Variants in ZMYM2 observed in about 807,000 individuals in gnomAD.
ZMYM2 encodes zinc finger MYM-type protein 2.
A neutral mutation model predicts 162.8 loss-of-function variants in ZMYM2; 56 were observed. The ratio of observed to expected loss-of-function variants is 0.34; its 90% CI spans 0.28 to 0.43. ZMYM2 has a LOEUF of 0.43. ZMYM2 is among the 20% of genes least tolerant of loss of function. The pLI is 1.00. For missense variants in ZMYM2, 1,275 were observed against 1,621.8 expected (o/e 0.79, Z 3.67); for synonymous variants, 510 against 541.6 (o/e 0.94, Z 0.81).
At chr13:19,885,875 ATATACACATATATATGTG>A in the ZMYM2 span, among the ~76,000 whole-genome samples, 366 of 32,152 alleles carry the variant, frequency 0.011, 81 homozygotes, top group African/African-American at 0.018. Flanking sequence ...ATATATATGT[ATATACACATATATATGTG>A]TATACACATA....
At chr13:20,016,209 C>G (rs1484788983) in intron 6 of ZMYM2, among the ~76,000 whole-genome samples, 1 of 151,914 alleles carries the variant, frequency 6.6e-6, no homozygotes, top group Non-Finnish European at 1.5e-5. Context: ...GGAGGCTTTA[C>G]ATATAACATC....
At chr13:20,014,434 T>G (rs1216809795) in intron 6 of ZMYM2, among the ~76,000 whole-genome samples, 1 of 152,194 alleles carries the variant, frequency 6.6e-6, no homozygotes, top group Non-Finnish European at 1.5e-5. Flanking sequence ...TGTCTTCTTG[T>G]GTCAGTTTTG....
the ZMYM2 span, among the ~76,000 whole-genome samples, chr13:19,923,192 A>AAC: frequency 2.7e-4 from 2 of 7,406 alleles, no homozygotes; most frequent in Non-Finnish European, 1.8e-3. Flanking sequence ...CTAAATATAC[A>AAC]AAAAAAAAAA....
Position 20,082,887 on chromosome 13 carries a change from G to A in ZMYM2, c.3675G>A (p.Lys1225=). Reference sequence around the variant, plus strand: ...ATACACTGTTCTACTTTAACACTAAGTATTTTGGCCTGAAAACAGTGGAAC... The same window carrying A: ...ATACACTGTTCTACTTTAACACTAAATATTTTGGCCTGAAAACAGTGGAAC... ...LLNTLFYFNT[K]YFGLKTVEQH... The change falls in exon 23 of 25, where the codon AAG becomes AAA. Residue 1225 remains lysine (K), a synonymous_variant. Transcript: ENST00000610343. 1 of 1,613,868 alleles carries A rather than the reference G, an allele frequency of 6.2e-7. No homozygotes were observed. Among genetic ancestry groups the A allele is most frequent in the South Asian group, 1.1e-5 (1 of 91,074 alleles).
chr13:20,022,365 A>G (rs1477733779), intron 7 of ZMYM2, among the ~76,000 whole-genome samples: 1 of 152,186 alleles, frequency 6.6e-6, no homozygotes, highest in African/African-American at 2.4e-5. Context: ...ATACCTCATA[A>G]GCGGTGTTGT....
At chr13:20,004,949 T>G in intron 4 of ZMYM2, 125 bp from the exon 5 acceptor site, 1 of 659,006 alleles carries the variant, frequency 1.5e-6, no homozygotes. Context: ...AAAAATGATT[T>G]ATTAGATCCA....
the ZMYM2 span, among the ~76,000 whole-genome samples, chr13:19,917,937 G>A: frequency 2.0e-5 from 3 of 151,720 alleles, no homozygotes; most frequent in Non-Finnish European, 4.4e-5. Context: ...CTTGCCTGTA[G>A]TCCCAGCTAC....
At chr13:19,868,763 A>G in the ZMYM2 span, among the ~76,000 whole-genome samples, 61 of 152,078 alleles carry the variant, frequency 4.0e-4, 1 homozygote, top group East Asian at 0.01. Flanking sequence ...TATTATTATT[A>G]TTTTTGAGAC....
the ZMYM2 span, among the ~76,000 whole-genome samples, chr13:19,914,973 G>A: frequency 6.6e-6 from 1 of 152,252 alleles, no homozygotes; most frequent in African/African-American, 2.4e-5. Flanking sequence ...GGATTTTTGG[G>A]TCCAAGTATC....
intron 3 of ZMYM2, among the ~76,000 whole-genome samples, chr13:19,995,820 A>G (rs1435772880): frequency 1.3e-5 from 2 of 152,180 alleles, no homozygotes; most frequent in Admixed American, 1.3e-4. Context: ...GAAAAAATAC[A>G]AAATACTGAA....
the ZMYM2 span, among the ~76,000 whole-genome samples, chr13:19,921,934 G>A: frequency 1.8e-4 from 27 of 151,332 alleles, no homozygotes; most frequent in African/African-American, 6.3e-4. Flanking sequence ...CTTTTTTTGA[G>A]ATGGAATCTC....
At chr13:20,023,184 C>T (rs1952269600) in intron 7 of ZMYM2, among the ~76,000 whole-genome samples, 1 of 152,084 alleles carries the variant, frequency 6.6e-6, no homozygotes, top group South Asian at 2.1e-4. Context: ...TGTTAAATTT[C>T]AGTTAGAGGT....
the ZMYM2 span, among the ~76,000 whole-genome samples, chr13:19,951,344 T>G: frequency 4.6e-5 from 7 of 151,870 alleles, no homozygotes; most frequent in Admixed American, 4.6e-4. Flanking sequence ...GAGGTTACTA[T>G]CCACAATAGG....
Position 20,061,426 on chromosome 13 carries a change from T to C in ZMYM2, c.2911+202T>C, listed in dbSNP as rs570248585. ...CTCAGACAGATATCCGAAGCAGGAA[T>C]TTGGTCTTTGGTCTCTGTTTTAAGC... On this transcript the variant is annotated intron_variant, in intron 17 of 24. Coordinates refer to ENST00000610343, the MANE Select transcript of ZMYM2 (RefSeq NM_197968.4). 5.3e-5 allele frequency among the ~76,000 whole-genome samples: 8 copies of C among 152,232 alleles called. No individual in the cohort carries two copies. In the East Asian group the frequency reaches 1.5e-3, roughly 29 times the overall value.
At chr13:19,992,196 T>A (rs9578242) in intron 2 of ZMYM2, among the ~76,000 whole-genome samples, 1 of 151,796 alleles carries the variant, frequency 6.6e-6, no homozygotes, top group East Asian at 1.9e-4. Flanking sequence ...AAGATTAAAA[T>A]TTTCAGAAAG....
At position 20,084,997 on chromosome 13, in the gene ZMYM2, A is replaced by G. The variant is rs190303504; in HGVS notation, c.3942-825A>G. Among the ~76,000 whole-genome samples, 4 of 152,358 alleles carry G rather than the reference A, an allele frequency of 2.6e-5. No individual in the cohort carries two copies. The East Asian group carries it at 7.7e-4, about 29-fold the overall frequency. On this transcript the variant is annotated intron_variant, in intron 24 of 24. Transcript: ENST00000610343. ...TTTGGAATATTTGCATATACATTATAAGATGTCTTAGGGCTGGGACCCAAC... is the reference window on the plus strand; with the variant it reads ...TTTGGAATATTTGCATATACATTATGAGATGTCTTAGGGCTGGGACCCAAC...
intron 2 of ZMYM2, 36 bp from the exon 3 acceptor site, chr13:19,993,027 C>T: frequency 1.3e-6 from 2 of 1,528,760 alleles, no homozygotes; most frequent in Non-Finnish European, 1.8e-6. Flanking sequence ...AAAAGTCATA[C>T]TGACATTTTA....
intron 21 of ZMYM2, among the ~76,000 whole-genome samples, chr13:20,078,692 G>A (rs2062610361): frequency 6.6e-6 from 1 of 152,152 alleles, no homozygotes; most frequent in Non-Finnish European, 1.5e-5. Flanking sequence ...TGGGTAGTCT[G>A]AAATGAGAAG....
At chr13:20,013,424 A>G (rs956146314) in intron 6 of ZMYM2, among the ~76,000 whole-genome samples, 3 of 152,090 alleles carry the variant, frequency 2.0e-5, no homozygotes, top group Non-Finnish European at 4.4e-5. Context: ...TCCAATTCGG[A>G]TGCATTTTAT....
Sources: gnomAD v4.1 joint callset for allele counts (sites outside exome capture counted in the v4.1 genomes callset) on GRCh38, gnomAD v4.1.1 for gene constraint, MANE v1.5 for transcripts, NCBI Gene and HGNC (gene_info 2026-07-23, HGNC 2026-07-21) for gene names.